DUS1L: variants seen among roughly 807,000 people sequenced by gnomAD.
The protein encoded by DUS1L is tRNA-dihydrouridine(16/17) synthase [NAD(P)(+)]-like.
Under a neutral mutation model 61.2 loss-of-function variants are expected in DUS1L, and 56 were observed. The observed-to-expected ratio is 0.92, with a 90% CI of 0.74 to 1.14. The LOEUF is 1.14. Among genes scored for constraint, DUS1L ranks in the 50% most tolerant of loss-of-function variants. The probability of loss-of-function intolerance (pLI) is 0.00; values close to 1 mark genes in which losing one functional copy is unlikely to be tolerated. For synonymous variants in DUS1L, 278 were observed against 259.5 expected (o/e 1.07, Z -0.69); for missense variants, 630 against 632.4 (o/e 1.00, Z 0.04).
At position 82,058,223 on chromosome 17, in the gene DUS1L, C is replaced by T; in HGVS notation, c.1314G>A (p.Glu438=). The T allele has an allele frequency of 2.5e-6, 4 of 1,589,704 alleles. No individual in the cohort carries two copies. Among genetic ancestry groups the T allele is most frequent in the Non-Finnish European group, 3.4e-6 (4 of 1,162,962 alleles). Reference sequence around the variant, plus strand: ...GGGCCTCTTTCCAGGCCAGAGACTTCTCCAATTTGGTTTTAAAAAGCAATC... The same window carrying T: ...GGGCCTCTTTCCAGGCCAGAGACTTTTCCAATTTGGTTTTAAAAAGCAATC... The part of the protein sequence containing the change: ...GHGLLFKTKL[E]KSLAWKEAQP... Residue 438 remains glutamate, a synonymous_variant, in exon 14 of 14, where the codon GAG becomes GAA. Transcript: ENST00000306796.
chr17:82,063,124 T>G (rs1031481834), intron 4 of DUS1L, 151 bp from the exon 5 acceptor site: 25 of 698,448 alleles, frequency 3.6e-5, no homozygotes, highest in Non-Finnish European at 5.3e-5. Context: ...GGTGTCTCCC[T>G]CAGGTTGCTG....
Position 82,058,075 on chromosome 17 carries a change from A to G in DUS1L, c.*40T>C. On this transcript the variant is annotated 3_prime_UTR_variant, in exon 14 of 14. Coordinates refer to ENST00000306796, the MANE Select transcript of DUS1L (RefSeq NM_022156.5). ...GCATTTTCTTAAGTAGGACGTGTCCAGGCTCCAGCAGCAGTCCTGGGGGTG... is the reference window on the plus strand; with the variant it reads ...GCATTTTCTTAAGTAGGACGTGTCCGGGCTCCAGCAGCAGTCCTGGGGGTG... 1 of 1,493,690 alleles carries G rather than the reference A, an allele frequency of 6.7e-7. No homozygotes were observed. Among genetic ancestry groups the G allele is most frequent in the Non-Finnish European group, 8.9e-7 (1 of 1,119,180 alleles). The allele number at this position is 1,493,690 out of a possible 1,614,324, so 92.5% of individuals were successfully genotyped here.
At position 82,062,925 on chromosome 17, in the gene DUS1L, C is replaced by A. The variant is rs760210278; in HGVS notation, c.446G>T (p.Arg149Leu). Reference sequence around the variant, plus strand: ...GGTCTTGTCAATCTCCGGGAAGACACGGATTTTGCACGTGACAGGAACAGA... The same window carrying A: ...GGTCTTGTCAATCTCCGGGAAGACAAGGATTTTGCACGTGACAGGAACAGA... ...KLSVPVTCKI[R>L]VFPEIDKTVR... is the part of the protein sequence containing the mutation. The change falls in exon 5 of 14, where the codon CGT (arginine) becomes CTT (leucine). Residue 149 changes from arginine (R) to leucine (L), a missense_variant. Coordinates refer to ENST00000306796, the MANE Select transcript of DUS1L (RefSeq NM_022156.5). 1 of 1,613,088 alleles carries A rather than the reference C, an allele frequency of 6.2e-7. No homozygotes were observed.
Position 82,064,190 on chromosome 17 carries a change from C to A in DUS1L, c.282G>T (p.Leu94=), listed in dbSNP as rs116343028. Residue 94 remains leucine, a synonymous_variant, in exon 3 of 14, where the codon CTG becomes CTT. Coordinates refer to ENST00000306796, the MANE Select transcript of DUS1L (RefSeq NM_022156.5). The part of the protein sequence containing the change: ...DPEVFVQAAL[L]AQDYCDAIDL... Reference sequence around the variant, plus strand: ...CAATGGCGTCACAGTAATCCTGAGCCAGGAGAGCCGCCTGAACAAACACCT... The same window carrying A: ...CAATGGCGTCACAGTAATCCTGAGCAAGGAGAGCCGCCTGAACAAACACCT... 2.5e-6 allele frequency: 4 copies of A among 1,612,756 alleles called. No individual in the cohort carries two copies. The East Asian group carries it at 6.7e-5, about 27-fold the overall frequency.
In DUS1L at chr17:82,062,766, G is replaced by A. The variant is rs563454501; in HGVS notation, c.510+95C>T. ...GGCCACTGCCCCCATGAGGCCGACG[G>A]TGCACGGTGTCTGGACACAGGAAGA... On this transcript the variant is annotated intron_variant, in intron 5 of 13. Transcript: ENST00000306796. 9.6e-6 allele frequency: 11 copies of A among 1,143,438 alleles called. No individual in the cohort carries two copies. In the Admixed American group the frequency reaches 1.7e-4, roughly 17 times the overall value. The allele number at this position is 1,143,438 out of a possible 1,614,324, so 70.8% of individuals were successfully genotyped here. A position where few individuals can be genotyped will look rare whatever the true frequency, so the allele number is the denominator to read the frequency against.
chr17:82,058,530 G>T, intron 12 of DUS1L, 114 bp from the exon 13 acceptor site: 1 of 1,462,612 alleles, frequency 6.8e-7, no homozygotes, highest in South Asian at 1.5e-5. Flanking sequence ...CGGCCTGGAT[G>T]CAGCCCTGGG....
At chr17:82,060,548 G>C in intron 10 of DUS1L, 153 bp downstream of exon 10, 1 of 973,888 alleles carries the variant, frequency 1.0e-6, no homozygotes, top group Non-Finnish European at 1.5e-6. Flanking sequence ...GGTGTGTGCT[G>C]CTCGGAGCCG....
chr17:82,061,918 C>G lies in DUS1L; in HGVS notation c.576G>C (p.Glu192Asp), dbSNP rs74441987. 1 of 1,610,320 alleles carries G rather than the reference C, an allele frequency of 6.2e-7. No homozygotes were observed. The highest frequency in any genetic ancestry group is 8.5e-7 in the Non-Finnish European group (1 of 1,178,594). ...KGPLSGAASW[E>D]HIKAVRKAVA... ...CCACTCACCGCACAGCCTTGATATG[C>G]TCCCAGGACGCTGCACCCGACAGGG... The change falls in exon 6 of 14, where the codon GAG becomes GAC. Residue 192 changes from glutamate to aspartate, a missense_variant. Coordinates refer to ENST00000306796, the MANE Select transcript of DUS1L (RefSeq NM_022156.5).
intron 1 of DUS1L, 181 bp downstream of exon 1, chr17:82,065,432 G>A (rs1213984562): frequency 4.7e-6 from 1 of 214,180 alleles, no homozygotes; most frequent in Non-Finnish European, 9.2e-6. Flanking sequence ...CCCCTTCCCG[G>A]GAGAATCGGC....
rs945606600 is a variant in DUS1L, at chr17:82,065,236, G to C, written c.-10-167C>G. On this transcript the variant is annotated intron_variant, in intron 1 of 13. Transcript: ENST00000306796. ...TGCAGGCTGGAGAACGGCCACTCCA[G>C]TGCCGCCACCTCCTAGCGGACCTCG... is the stretch of plus-strand genomic sequence containing the variant. 3 of 596,380 alleles carry C rather than the reference G, an allele frequency of 5.0e-6. No homozygotes were observed. In the African/African-American group the frequency reaches 5.6e-5, roughly 11 times the overall value. The allele number at this position is 596,380 out of a possible 1,614,324, so 36.9% of individuals were successfully genotyped here. A position where few individuals can be genotyped will look rare whatever the true frequency, so the allele number is the denominator to read the frequency against.
At chr17:82,065,212 G>A in intron 1 of DUS1L, 143 bp from the exon 2 acceptor site, 2 of 708,596 alleles carry the variant, frequency 2.8e-6, no homozygotes, top group South Asian at 4.0e-5. Context: ...GGGGGTCGGT[G>A]CAGGCTGGAG....
At position 82,058,149 on chromosome 17, in the gene DUS1L, C is replaced by T. The variant is rs1178391348; in HGVS notation, c.1388G>A (p.Gly463Asp). The change falls in exon 14 of 14, where the codon GGC becomes GAC. Residue 463 changes from glycine to aspartate, a missense_variant. Gly to Asp is a moderately conservative substitution (Grantham distance 94, BLOSUM62 -1). Coordinates refer to ENST00000306796, the MANE Select transcript of DUS1L (RefSeq NM_022156.5). ...PQPAAPGTPG[G>D]FSEVMGSALA ...GGCACTGCCCATGACTTCGGAGAAG[C>T]CACCTGGTGTTCCAGGTGCTGCTGG... 1.9e-6 allele frequency: 3 copies of T among 1,592,842 alleles called. No individual in the cohort carries two copies. The highest frequency in any genetic ancestry group is 1.3e-5 in the African/African-American group (1 of 74,566).
chr17:82,059,548 C>T (rs191779709), intron 11 of DUS1L: 4 of 191,044 alleles, frequency 2.1e-5, no homozygotes, highest in African/African-American at 2.4e-5. Context: ...AGCCTCGTCC[C>T]GTGCCTTTGG....
Position 82,062,871 on chromosome 17 carries a change from G to A in DUS1L, c.500C>T (p.Ala167Val). The A allele has an allele frequency of 1.2e-6, 2 of 1,612,524 alleles. No homozygotes were observed. The highest frequency in any genetic ancestry group is 1.7e-6 in the Non-Finnish European group (2 of 1,179,810). ...GAGCCCAGGGCTCACCTGGCAGCCGGCCTTCTCCAGCATCTGGGCGTACCT... is the reference window on the plus strand; with the variant it reads ...GAGCCCAGGGCTCACCTGGCAGCCGACCTTCTCCAGCATCTGGGCGTACCT... The part of the protein sequence containing the change: ...TVRYAQMLEK[A>V]GCQLLTVHGR... Residue 167 changes from alanine to valine, a missense_variant, in exon 5 of 14, where the codon GCC becomes GTC. Physicochemically the swap from Ala to Val is moderately conservative, Grantham distance 64. Coordinates refer to ENST00000306796, the MANE Select transcript of DUS1L (RefSeq NM_022156.5).
At position 82,064,695 on chromosome 17, in the gene DUS1L, C is replaced by T. The variant is rs1345456857; in HGVS notation, c.237+128G>A. 7.3e-6 allele frequency: 7 copies of T among 955,072 alleles called. No homozygotes were observed. In the African/African-American group the frequency reaches 8.3e-5, roughly 11 times the overall value. 59.2% of individuals were successfully genotyped at this position (955,072 alleles called of 1,614,324 possible). ...ATGCCTGGTGCCACCTTCTCCCTCT[C>T]CTCCTGGAATTGAGCTGTCTCTGGA... On this transcript the variant is annotated intron_variant, in intron 2 of 13. Coordinates refer to ENST00000306796, the MANE Select transcript of DUS1L (RefSeq NM_022156.5).
chr17:82,065,301 G>A (rs1459252244), intron 1 of DUS1L: 7 of 499,856 alleles, frequency 1.4e-5, no homozygotes, highest in African/African-American at 1.4e-4. Context: ...CCTCCCTGGG[G>A]AGCGGGACTC....
At position 82,064,898 on chromosome 17, in the gene DUS1L, A is replaced by G. The variant is rs775476456; in HGVS notation, c.162T>C (p.Phe54=). 7 of 1,612,634 alleles carry G rather than the reference A, an allele frequency of 4.3e-6. No homozygotes were observed. The Admixed American group carries it at 8.3e-5, about 19-fold the overall frequency. The stretch of plus-strand genomic sequence containing the variant: ...CCTTCCGGTAGTTGGCGTCGCGGAC[A>G]AAGACCTGGGCATGCAGCATGGGCG... ...CYTPMLHAQV[F]VRDANYRKEN... is the part of the protein sequence containing the mutation. Residue 54 remains phenylalanine (F), a synonymous_variant, in exon 2 of 14, where the codon TTT becomes TTC. Transcript: ENST00000306796.
intron 2 of DUS1L, 41 bp downstream of exon 2, chr17:82,064,782 G>GA (rs2144751655): frequency 6.4e-7 from 1 of 1,570,790 alleles, no homozygotes; most frequent in East Asian, 2.3e-5. Flanking sequence ...TCCAGGACCG[G>GA]GAACCCAACC....
intron 10 of DUS1L, chr17:82,060,495 G>A (rs987906549): frequency 3.5e-5 from 22 of 634,010 alleles, no homozygotes; most frequent in African/African-American, 2.6e-4. Flanking sequence ...ACACAGCTGA[G>A]CCACCAGCAT....
Sources: gnomAD v4.1 joint callset for allele counts on GRCh38, gnomAD v4.1.1 for gene constraint, MANE v1.5 for transcripts, NCBI Gene and HGNC (gene_info 2026-07-23, HGNC 2026-07-21) for gene names.